The following CNIH3 variants were observed in gnomAD, a reference collection of about 807,000 sequenced individuals.
CNIH3 encodes the protein protein cornichon homolog 3.
Under a neutral mutation model 24.1 loss-of-function variants are expected in CNIH3, and 14 were observed. The ratio of observed to expected loss-of-function variants is 0.58; its 90% CI spans 0.38 to 0.91. CNIH3 has a LOEUF of 0.91. Among genes scored for constraint, CNIH3 ranks in the 40% least tolerant of loss-of-function variants. The probability of loss-of-function intolerance (pLI) is 0.00; values close to 1 mark genes in which losing one functional copy is unlikely to be tolerated. For synonymous variants in CNIH3, 68 were observed against 73.8 expected (o/e 0.92, Z 0.40); for missense variants, 178 against 196.8 (o/e 0.90, Z 0.57).
intron 1 of CNIH3, among the ~76,000 whole-genome samples, chr1:224,453,229 G>A (rs917816068): frequency 6.6e-6 from 1 of 152,054 alleles, no homozygotes; most frequent in Non-Finnish European, 1.5e-5. Context: ...GGAGTGCAGT[G>A]GTGTGATCAT....
chr1:224,616,983 C>T lies in CNIH3; in HGVS notation c.-192C>T. On this transcript the variant is annotated 5_prime_UTR_variant, in exon 1 of 6. Transcript: ENST00000272133. Reference sequence around the variant, plus strand: ...TTCGCCGGAGGGCCGGGTCTGGGGTCGCCGGAGCCTGCGGGAATCCAGCGC... The same window carrying T: ...TTCGCCGGAGGGCCGGGTCTGGGGTTGCCGGAGCCTGCGGGAATCCAGCGC... 1 of 1,413,640 alleles carries T rather than the reference C, an allele frequency of 7.1e-7. No individual in the cohort carries two copies. Among genetic ancestry groups the T allele is most frequent in the Non-Finnish European group, 9.2e-7 (1 of 1,089,664 alleles). 87.6% of individuals were successfully genotyped at this position (1,413,640 alleles called of 1,614,324 possible).
intron 1 of CNIH3, among the ~76,000 whole-genome samples, chr1:224,662,497 C>T (rs1452023110): frequency 6.6e-6 from 1 of 152,146 alleles, no homozygotes; most frequent in South Asian, 2.1e-4. Flanking sequence ...TTATAACCTT[C>T]TGTGCCAAAC....
chr1:224,601,725 G>C (rs1334396235), intron 3 of CNIH3, among the ~76,000 whole-genome samples: 1 of 152,200 alleles, frequency 6.6e-6, no homozygotes, highest in Non-Finnish European at 1.5e-5. Context: ...ATACATTTCT[G>C]TTGTTTAAGC....
chr1:224,609,664 T>A (rs936515425), intron 3 of CNIH3, among the ~76,000 whole-genome samples: 2 of 152,214 alleles, frequency 1.3e-5, no homozygotes, highest in African/African-American at 2.4e-5. Context: ...ACTCTCGAAT[T>A]TTGTGTTAAA....
chr1:224,727,358 A>G (rs1020332259), intron 3 of CNIH3, among the ~76,000 whole-genome samples: 8 of 152,234 alleles, frequency 5.3e-5, no homozygotes, highest in African/African-American at 1.9e-4. Flanking sequence ...ACTCTAGTCC[A>G]TCATGAGTTG....
intron 1 of CNIH3, among the ~76,000 whole-genome samples, chr1:224,626,805 G>A (rs182050335): frequency 1.8e-4 from 28 of 152,282 alleles, no homozygotes; most frequent in African/African-American, 3.9e-4. Context: ...TTATTGCACC[G>A]TAGATATGTC....
intron 3 of CNIH3, among the ~76,000 whole-genome samples, chr1:224,599,430 C>G (rs1036397325): frequency 6.6e-6 from 1 of 152,166 alleles, no homozygotes; most frequent in Non-Finnish European, 1.5e-5. Flanking sequence ...GGTTTGCTAA[C>G]AGCTTTTGGC....
At chr1:224,434,907 G>C in intron 1 of CNIH3, 1 of 986,014 alleles carries the variant, frequency 1.0e-6, no homozygotes, top group Non-Finnish European at 1.2e-6. Context: ...GTGCATCGGG[G>C]GCTGTCCCGG....
intron 2 of CNIH3, among the ~76,000 whole-genome samples, chr1:224,530,090 C>A (rs150589474): frequency 1.3e-5 from 2 of 152,202 alleles, no homozygotes; most frequent in African/African-American, 4.8e-5. Context: ...CAGGAGAGGG[C>A]TGCACTTCTG....
intron 2 of CNIH3, among the ~76,000 whole-genome samples, chr1:224,683,848 G>A (rs890342584): frequency 1.3e-5 from 2 of 152,198 alleles, no homozygotes; most frequent in Non-Finnish European, 2.9e-5. Flanking sequence ...GTGTGTTTGC[G>A]TGTGCACATG....
At chr1:224,578,273 T>G (rs1168533417) in intron 4 of CNIH3, among the ~76,000 whole-genome samples, 1 of 152,362 alleles carries the variant, frequency 6.6e-6, no homozygotes, top group South Asian at 2.1e-4. Context: ...GTTAGTTTTC[T>G]TTGTACTTAC....
intron 1 of CNIH3, among the ~76,000 whole-genome samples, chr1:224,676,518 G>T (rs1055196350): frequency 6.6e-6 from 1 of 152,196 alleles, no homozygotes; most frequent in Non-Finnish European, 1.5e-5. Context: ...TTTAAAACGG[G>T]TGAGATATGA....
At chr1:224,501,095 T>G (rs1047569704) in intron 1 of CNIH3, among the ~76,000 whole-genome samples, 18 of 152,294 alleles carry the variant, frequency 1.2e-4, no homozygotes, top group Admixed American at 2.0e-4. Flanking sequence ...ACAGTAATCT[T>G]TTTTTTCATC....
chr1:224,483,558 T>G (rs1676900627), intron 1 of CNIH3, among the ~76,000 whole-genome samples: 1 of 151,930 alleles, frequency 6.6e-6, no homozygotes, highest in South Asian at 2.1e-4. Flanking sequence ...CCCGGCTAAT[T>G]TTTGTATTTT....
chr1:224,541,042 C>T (rs1679492922), downstream of CNIH3, among the ~76,000 whole-genome samples: 1 of 152,040 alleles, frequency 6.6e-6, no homozygotes, highest in Admixed American at 6.6e-5. Flanking sequence ...TATATTGATG[C>T]CATATGATGT....
intron 1 of CNIH3, among the ~76,000 whole-genome samples, chr1:224,630,585 A>C (rs988031344): frequency 6.6e-6 from 1 of 151,460 alleles, no homozygotes; most frequent in Non-Finnish European, 1.5e-5. Context: ...TGGAGGATAG[A>C]ATTTGCTTTT....
intron 2 of CNIH3, among the ~76,000 whole-genome samples, chr1:224,524,422 G>C (rs1678764705): frequency 6.6e-6 from 1 of 152,206 alleles, no homozygotes; most frequent in Non-Finnish European, 1.5e-5. Context: ...TATATACTGA[G>C]TGTGTTGGGT....
At chr1:224,585,061 C>T (rs775178474) in intron 5 of CNIH3, among the ~76,000 whole-genome samples, 12 of 152,182 alleles carry the variant, frequency 7.9e-5, no homozygotes, top group Non-Finnish European at 1.3e-4. Flanking sequence ...CCATTTCCCT[C>T]GCATTGAGAC....
intron 1 of CNIH3, among the ~76,000 whole-genome samples, chr1:224,677,188 TTAAATGATA>T (rs1472990977): frequency 1.3e-5 from 2 of 152,162 alleles, no homozygotes; most frequent in African/African-American, 4.8e-5. Flanking sequence ...GGTCAGAGGA[TTAAATGATA>T]AAAAGCATGT....
Sources: allele counts gnomAD v4.1 joint callset (sites outside exome capture counted in the v4.1 genomes callset), GRCh38; gene constraint gnomAD v4.1.1; transcripts MANE v1.5; gene names NCBI Gene and HGNC (gene_info 2026-07-23, HGNC 2026-07-21).